Variants in PKIB observed in about 807,000 individuals in gnomAD.
PKIB encodes cAMP-dependent protein kinase inhibitor beta.
Under a neutral mutation model 4.5 loss-of-function variants are expected in PKIB, and 2 were observed. The ratio of observed to expected loss-of-function variants is 0.44; its 90% CI spans 0.18 to 1.39. The LOEUF is 1.39. Ranked by LOEUF, PKIB falls within the 40% of genes most tolerant of loss-of-function variation. The pLI is 0.27. For synonymous variants in PKIB, 38 were observed against 36.0 expected (o/e 1.06, Z -0.20); for missense variants, 94 against 92.6 (o/e 1.02, Z -0.06).
At chr6:122,712,155 T>C (rs1779293768) in intron 3 of PKIB, among the ~76,000 whole-genome samples, 1 of 152,176 alleles carries the variant, frequency 6.6e-6, no homozygotes, top group Non-Finnish European at 1.5e-5. Context: ...GTGGGTAATT[T>C]TACTTTATTT....
intron 2 of PKIB, among the ~76,000 whole-genome samples, chr6:122,510,505 G>C (rs565982377): frequency 6.6e-6 from 1 of 152,234 alleles, no homozygotes; most frequent in Non-Finnish European, 1.5e-5. Context: ...TAAAAAAGTA[G>C]TCTTTTAAAT....
intron 2 of PKIB, among the ~76,000 whole-genome samples, chr6:122,515,820 A>AT (rs1184568458): frequency 6.6e-6 from 1 of 152,032 alleles, no homozygotes. Flanking sequence ...GGTTCAAGCT[A>AT]TTCTCCTGCC....
intron 2 of PKIB, among the ~76,000 whole-genome samples, chr6:122,576,284 G>A (rs904715280): frequency 1.3e-5 from 2 of 150,262 alleles, no homozygotes; most frequent in Admixed American, 1.3e-4. Context: ...CGGATCACGA[G>A]GTCAGGAGAT....
At chr6:122,707,677 A>G (rs1779116783) in intron 3 of PKIB, among the ~76,000 whole-genome samples, 1 of 152,120 alleles carries the variant, frequency 6.6e-6, no homozygotes, top group South Asian at 2.1e-4. Flanking sequence ...CAAAACTGTC[A>G]TTAGAAATTT....
intron 2 of PKIB, among the ~76,000 whole-genome samples, chr6:122,642,962 A>T (rs1445840351): frequency 6.6e-6 from 1 of 152,184 alleles, no homozygotes; most frequent in East Asian, 1.9e-4. Flanking sequence ...AGCTCCTAGG[A>T]TTAAAAGGAT....
intron 2 of PKIB, among the ~76,000 whole-genome samples, chr6:122,543,059 C>T (rs946436684): frequency 3.3e-5 from 5 of 152,072 alleles, no homozygotes; most frequent in African/African-American, 4.8e-5. Flanking sequence ...TTTTTAAGCC[C>T]GTTGGAAAAG....
At chr6:122,645,472 T>TC (rs1214376600) in intron 2 of PKIB, among the ~76,000 whole-genome samples, 1 of 152,044 alleles carries the variant, frequency 6.6e-6, no homozygotes, top group Non-Finnish European at 1.5e-5. Context: ...GGGGTCGGAG[T>TC]CCACTAGGAC....
intron 2 of PKIB, among the ~76,000 whole-genome samples, chr6:122,635,851 T>A (rs578028593): frequency 6.6e-6 from 1 of 152,214 alleles, no homozygotes; most frequent in East Asian, 1.9e-4. Flanking sequence ...TAGAGAGATG[T>A]CATTAAAATA....
intron 3 of PKIB, among the ~76,000 whole-genome samples, chr6:122,681,262 A>G (rs1196034761): frequency 1.3e-5 from 2 of 152,210 alleles, no homozygotes; most frequent in East Asian, 1.9e-4. Flanking sequence ...TAAAACAATT[A>G]TAAAACTGTT....
At chr6:122,542,270 A>G (rs1777629261) in intron 2 of PKIB, among the ~76,000 whole-genome samples, 1 of 151,744 alleles carries the variant, frequency 6.6e-6, no homozygotes, top group African/African-American at 2.4e-5. Flanking sequence ...TGCTTTTTAG[A>G]GTTTCCAGTT....
intron 2 of PKIB, among the ~76,000 whole-genome samples, chr6:122,640,698 A>T (rs977867029): frequency 1.2e-4 from 19 of 152,238 alleles, no homozygotes; most frequent in Non-Finnish European, 2.1e-4. Flanking sequence ...AACTAGAGCA[A>T]GATTATGCCA....
chr6:122,583,759 A>G (rs189965171), intron 2 of PKIB, among the ~76,000 whole-genome samples: 60 of 152,264 alleles, frequency 3.9e-4, no homozygotes, highest in Admixed American at 2.4e-3. Context: ...TAGTTTATTC[A>G]TTTTCATTGA....
intron 1 of PKIB, among the ~76,000 whole-genome samples, chr6:122,627,907 ATAAG>A (rs964074011): frequency 5.3e-5 from 8 of 151,966 alleles, no homozygotes; most frequent in Non-Finnish European, 8.8e-5. Flanking sequence ...AGGAAAATAA[ATAAG>A]TAAACTCATA....
At chr6:122,626,839 A>G (rs1775464415) in intron 1 of PKIB, among the ~76,000 whole-genome samples, 1 of 152,202 alleles carries the variant, frequency 6.6e-6, no homozygotes, top group Admixed American at 6.5e-5. Context: ...ATATGAGATG[A>G]TAACTTTCAA....
chr6:122,687,624 T>C (rs111771734), intron 3 of PKIB, among the ~76,000 whole-genome samples: 2 of 152,204 alleles, frequency 1.3e-5, no homozygotes, highest in African/African-American at 4.8e-5. Flanking sequence ...TATCATTTTT[T>C]GTGTCCTCTT....
chr6:122,531,109 A>G (rs1309941436), intron 2 of PKIB: 2 of 152,188 alleles, frequency 1.3e-5, no homozygotes, highest in African/African-American at 4.8e-5. Context: ...TCATACGTGT[A>G]TAGGAAAAAG....
At chr6:122,711,411 C>G (rs1157668551) in intron 3 of PKIB, among the ~76,000 whole-genome samples, 1 of 152,136 alleles carries the variant, frequency 6.6e-6, no homozygotes, top group Non-Finnish European at 1.5e-5. Context: ...ACTTAAGTGT[C>G]TGGATCTGGA....
intron 1 of PKIB, among the ~76,000 whole-genome samples, chr6:122,625,756 A>G (rs895375805): frequency 1.3e-5 from 2 of 152,160 alleles, no homozygotes; most frequent in Non-Finnish European, 2.9e-5. Flanking sequence ...AGCATATATA[A>G]TAGGGAAAGA....
intron 1 of PKIB, among the ~76,000 whole-genome samples, chr6:122,615,827 A>C (rs1774960176): frequency 6.6e-6 from 1 of 152,204 alleles, no homozygotes; most frequent in South Asian, 2.1e-4. Flanking sequence ...CTAGAAGCTA[A>C]GAGAGAGGCA....
Sources: allele counts gnomAD v4.1 joint callset (sites outside exome capture counted in the v4.1 genomes callset), GRCh38; gene constraint gnomAD v4.1.1; transcripts MANE v1.5; gene names NCBI Gene and HGNC (gene_info 2026-07-23, HGNC 2026-07-21).